MAD1L1: variants seen among roughly 807,000 people sequenced by gnomAD.
The protein encoded by MAD1L1 is mitotic spindle assembly checkpoint protein MAD1.
Under a neutral mutation model 96.9 loss-of-function variants are expected in MAD1L1, and 95 were observed. The ratio of observed to expected loss-of-function variants is 0.98; its 90% confidence interval spans 0.83 to 1.16. The LOEUF (loss-of-function observed/expected upper bound fraction) is 1.16. Among genes scored for constraint, MAD1L1 ranks in the 50% most tolerant of loss-of-function variants. The pLI is 0.00. For missense variants in MAD1L1, 1,007 were observed against 954.4 expected, an observed-to-expected ratio of 1.06 and a Z score of -0.73; for synonymous variants, 473 against 396.6, an observed-to-expected ratio of 1.19 and a Z score of -2.29.
intron 18 of MAD1L1, among the ~76,000 whole-genome samples, chr7:1,893,690 G>A (rs1372210566): frequency 6.6e-6 from 1 of 152,190 alleles, no homozygotes; most frequent in Non-Finnish European, 1.5e-5. Context: ...TCTGAAGCCA[G>A]GAGGCCAGGG....
chr7:2,118,281 C>A (rs1004906474), intron 11 of MAD1L1, among the ~76,000 whole-genome samples: 2 of 152,226 alleles, frequency 1.3e-5, no homozygotes, highest in Admixed American at 6.5e-5. Context: ...GGCTCCTCTG[C>A]AGAACGGGGC....
At chr7:1,896,343 C>G (rs1443300559) in intron 18 of MAD1L1, among the ~76,000 whole-genome samples, 1 of 152,224 alleles carries the variant, frequency 6.6e-6, no homozygotes, top group Non-Finnish European at 1.5e-5. Context: ...GCCGGGGGAG[C>G]TGAGATGCTG....
chr7:1,995,363 C>T (rs1034538460), intron 14 of MAD1L1, among the ~76,000 whole-genome samples: 14 of 152,176 alleles, frequency 9.2e-5, no homozygotes, highest in Non-Finnish European at 1.5e-5. Flanking sequence ...CCAGAACAGC[C>T]TGGATCTTCC....
chr7:1,935,722 G>A (rs1344740876), intron 17 of MAD1L1, among the ~76,000 whole-genome samples: 2 of 152,204 alleles, frequency 1.3e-5, no homozygotes, highest in Non-Finnish European at 2.9e-5. Flanking sequence ...GCAAGTAGGT[G>A]GGAAGAAACA....
rs1454276010 is a variant in MAD1L1 at position 2,103,606 on chromosome 7, A to G, written c.1074-34268T>C. Among the ~76,000 whole-genome samples, 1 of 152,138 alleles carries G rather than the reference A, an allele frequency of 6.6e-6. No homozygotes were observed. The highest frequency in any genetic ancestry group is 1.5e-5 in the Non-Finnish European group (1 of 68,010). On this transcript the variant is annotated intron_variant, in intron 11 of 18. Coordinates refer to ENST00000265854, the MANE Select transcript of MAD1L1 (RefSeq NM_001013836.2). The surrounding 1 kb of genome is among the most constrained non-coding windows in gnomAD (Gnocchi z 4.3). ...CAGGCAGCCCTGGGAGCCCCTGCGAAGGCCTCTCAGGAGCCGGGCAGCACA... is the reference window on the plus strand; with the variant it reads ...CAGGCAGCCCTGGGAGCCCCTGCGAGGGCCTCTCAGGAGCCGGGCAGCACA...
chr7:2,188,776 G>C (rs1791579183), intron 10 of MAD1L1, among the ~76,000 whole-genome samples: 1 of 151,948 alleles, frequency 6.6e-6, no homozygotes, highest in African/African-American at 2.4e-5. Context: ...ATTTGGCACA[G>C]ATTTCTTGGA....
At chr7:1,943,378 A>G (rs1399612153) in intron 16 of MAD1L1, among the ~76,000 whole-genome samples, 1 of 152,236 alleles carries the variant, frequency 6.6e-6, no homozygotes, top group Non-Finnish European at 1.5e-5. Flanking sequence ...CTTACACCTC[A>G]ACACATGAAG....
chr7:2,162,174 G>C (rs1276632129), intron 10 of MAD1L1, among the ~76,000 whole-genome samples: 1 of 152,254 alleles, frequency 6.6e-6, no homozygotes, highest in Non-Finnish European at 1.5e-5. Context: ...AAAAGAAAGA[G>C]AGATCAGATT....
At chr7:1,859,103 G>A (rs927155756) in intron 18 of MAD1L1, among the ~76,000 whole-genome samples, 2 of 151,872 alleles carry the variant, frequency 1.3e-5, no homozygotes, top group Non-Finnish European at 2.9e-5. Context: ...CTGCAGAGAC[G>A]GAGCAGACCT....
At chr7:2,161,951 CCAG>C (rs1439463282) in intron 10 of MAD1L1, among the ~76,000 whole-genome samples, 1 of 143,806 alleles carries the variant, frequency 7.0e-6, no homozygotes, top group Non-Finnish European at 1.6e-5. Flanking sequence ...CCCCACCCGG[CCAG>C]CCACCCCGTC....
chr7:2,221,123 G>A, intron 5 of MAD1L1: 1 of 1,131,832 alleles, frequency 8.8e-7, no homozygotes, highest in South Asian at 1.5e-5. Flanking sequence ...AGCAGCACCT[G>A]CAGCGCCACC....
At chr7:1,947,419 T>C (rs1361449011) in intron 16 of MAD1L1, among the ~76,000 whole-genome samples, 1 of 152,250 alleles carries the variant, frequency 6.6e-6, no homozygotes, top group Admixed American at 6.5e-5. Flanking sequence ...TGCATATTTA[T>C]AGATCGTCCG....
chr7:2,152,416 C>T (rs927179353), intron 10 of MAD1L1, among the ~76,000 whole-genome samples: 3 of 152,236 alleles, frequency 2.0e-5, no homozygotes, highest in Non-Finnish European at 4.4e-5. Context: ...GCCTCTTGCG[C>T]TGAAAAACCC....
At chr7:1,847,366 C>T (rs755254989) in intron 18 of MAD1L1, 13 of 470,904 alleles carry the variant, frequency 2.8e-5, no homozygotes, top group Non-Finnish European at 5.3e-5. Flanking sequence ...ACGGGGCGGA[C>T]CAGGGTGTGC....
chr7:1,823,207 C>T (rs1279347407), intron 18 of MAD1L1, among the ~76,000 whole-genome samples: 1 of 151,980 alleles, frequency 6.6e-6, no homozygotes, highest in African/African-American at 2.4e-5. Flanking sequence ...GCTGGACACA[C>T]TTAGTTAAAA....
chr7:2,024,468 G>C (rs1191545663), intron 12 of MAD1L1, among the ~76,000 whole-genome samples: 1 of 152,192 alleles, frequency 6.6e-6, no homozygotes, highest in Non-Finnish European at 1.5e-5. Flanking sequence ...GAAACAGAAA[G>C]ATCAGCATGT....
intron 12 of MAD1L1, among the ~76,000 whole-genome samples, chr7:2,027,992 G>A (rs1251505772): frequency 6.6e-6 from 1 of 152,180 alleles, no homozygotes; most frequent in Non-Finnish European, 1.5e-5. Flanking sequence ...ATTTAGCAAT[G>A]CTGCAGGACC....
intron 15 of MAD1L1, among the ~76,000 whole-genome samples, chr7:1,961,122 A>C (rs1779935016): frequency 6.6e-6 from 1 of 152,196 alleles, no homozygotes; most frequent in South Asian, 2.1e-4. Flanking sequence ...ACACAGGGAG[A>C]GAGAGAGGCC....
chr7:2,017,038 G>A (rs566012504), intron 12 of MAD1L1, among the ~76,000 whole-genome samples: 1 of 152,230 alleles, frequency 6.6e-6, no homozygotes, highest in Non-Finnish European at 1.5e-5. Context: ...TCTTCGTGAC[G>A]GCTCTCTTCA....
Sources: allele counts gnomAD v4.1 joint callset (sites outside exome capture counted in the v4.1 genomes callset), GRCh38; gene constraint gnomAD v4.1.1; non-coding constraint Gnocchi (gnomAD v3.1); transcripts MANE v1.5; gene names NCBI Gene and HGNC (gene_info 2026-07-23, HGNC 2026-07-21).